The following MYO1D variants were observed in gnomAD, a reference collection of about 807,000 sequenced individuals.
MYO1D encodes the protein myosin ID, also known as unconventional myosin-Id.
A neutral mutation model predicts 122.0 loss-of-function variants in MYO1D; 83 were observed. The ratio of observed to expected loss-of-function variants is 0.68; its 90% confidence interval spans 0.57 to 0.82. The LOEUF is 0.82. MYO1D is among the 40% of genes least tolerant of loss of function. MYO1D has a pLI of 0.00. For synonymous variants in MYO1D, 464 were observed against 446.9 expected (o/e 1.04, Z -0.48); for missense variants, 1,157 against 1,269.5 (o/e 0.91, Z 1.35).
At position 32,654,375 on chromosome 17, in the gene MYO1D, C is replaced by T. The variant is rs955513848; in HGVS notation, c.2490+102G>A. ...GTATCTCATAGAAATTATTTAGTTT[C>T]TAAAAGTGTTTTATCCTTTCTGCAA... is the stretch of plus-strand genomic sequence containing the variant. On this transcript the variant is annotated intron_variant, in intron 18 of 21. Transcript: ENST00000318217. 1.6e-5 allele frequency: 21 copies of T among 1,283,304 alleles called. No individual in the cohort carries two copies. The Admixed American group carries it at 2.1e-4, about 13-fold the overall frequency. The allele number at this position is 1,283,304 out of a possible 1,614,324, so 79.5% of individuals were successfully genotyped here.
chr17:32,723,826 G>C (rs1398317378), intron 14 of MYO1D, among the ~76,000 whole-genome samples: 2 of 152,128 alleles, frequency 1.3e-5, no homozygotes, highest in African/African-American at 4.8e-5. Flanking sequence ...TCATGACAAA[G>C]AACCATTATT....
At chr17:32,567,541 T>C (rs1487596813) in intron 21 of MYO1D, among the ~76,000 whole-genome samples, 1 of 152,202 alleles carries the variant, frequency 6.6e-6, no homozygotes, top group Admixed American at 6.5e-5. Context: ...GTCTAGTAAG[T>C]AGCAGGGATG....
At chr17:32,784,804 C>T (rs2090276280) in intron 1 of MYO1D, among the ~76,000 whole-genome samples, 1 of 151,962 alleles carries the variant, frequency 6.6e-6, no homozygotes, top group African/African-American at 2.4e-5. Flanking sequence ...TGCACAACCC[C>T]ACAGAAAAGG....
intron 1 of MYO1D, among the ~76,000 whole-genome samples, chr17:32,847,056 T>C (rs1013021970): frequency 1.8e-4 from 28 of 152,322 alleles, no homozygotes; most frequent in East Asian, 3.9e-4. Context: ...CTCCTCTTTA[T>C]AGAATTTACA....
Position 32,877,082 on chromosome 17 carries a change from C to A in MYO1D, c.-210G>T, listed in dbSNP as rs1244586981. The A allele has an allele frequency of 9.3e-6, 2 of 215,524 alleles. No individual in the cohort carries two copies. Among genetic ancestry groups the A allele is most frequent in the African/African-American group, 2.3e-5 (1 of 42,996 alleles). 13.4% of individuals were successfully genotyped at this position (215,524 alleles called of 1,614,324 possible). A position where few individuals can be genotyped will look rare whatever the true frequency, so the allele number is the denominator to read the frequency against. On this transcript the variant is annotated 5_prime_UTR_variant, in exon 1 of 22. Transcript: ENST00000318217. ...CCGGCGCGGCTCCGAACGGGACGCA[C>A]CCGACAGTTTCCGCTCCTCCCGCCG...
At chr17:32,519,545 G>C (rs1180772660) in intron 21 of MYO1D, among the ~76,000 whole-genome samples, 1 of 151,846 alleles carries the variant, frequency 6.6e-6, no homozygotes, top group Non-Finnish European at 1.5e-5. Context: ...CCCAGCGCCC[G>C]CGGCTGAAAC....
chr17:32,598,647 C>G (rs2087526274), intron 21 of MYO1D, among the ~76,000 whole-genome samples: 1 of 152,274 alleles, frequency 6.6e-6, no homozygotes, highest in South Asian at 2.1e-4. Context: ...AAGTGAATAT[C>G]ACAATAAAGC....
chr17:32,508,530 C>T (rs1046196105), intron 21 of MYO1D, among the ~76,000 whole-genome samples: 6 of 152,172 alleles, frequency 3.9e-5, no homozygotes, highest in Admixed American at 3.3e-4. Flanking sequence ...CCTGCCTTGG[C>T]CTCCCAAAGT....
intron 16 of MYO1D, chr17:32,659,570 G>GC: frequency 1.8e-6 from 1 of 555,656 alleles, no homozygotes; most frequent in Non-Finnish European, 3.2e-6. Flanking sequence ...CTACACTGAA[G>GC]TGTGTGCTGA....
chr17:32,587,577 C>T (rs2087400914), intron 21 of MYO1D, among the ~76,000 whole-genome samples: 1 of 151,258 alleles, frequency 6.6e-6, no homozygotes, highest in Non-Finnish European at 1.5e-5. Context: ...TGCTGAATGA[C>T]TAGTTTGCCA....
intron 21 of MYO1D, among the ~76,000 whole-genome samples, chr17:32,558,326 G>A (rs921926587): frequency 6.6e-6 from 1 of 152,200 alleles, no homozygotes; most frequent in Non-Finnish European, 1.5e-5. Context: ...GGAGCAGCAA[G>A]GAAACAAGGC....
intron 13 of MYO1D, among the ~76,000 whole-genome samples, chr17:32,742,158 GT>G (rs1331610634): frequency 6.6e-6 from 1 of 152,026 alleles, no homozygotes; most frequent in Non-Finnish European, 1.5e-5. Context: ...ATTTCATTAG[GT>G]TTTGTAAGTA....
chr17:32,857,604 A>T (rs890380199), intron 1 of MYO1D, among the ~76,000 whole-genome samples: 4 of 146,610 alleles, frequency 2.7e-5, no homozygotes, highest in Non-Finnish European at 6.0e-5. Context: ...AAAAAAAAAT[A>T]GACTCCTTTA....
intron 1 of MYO1D, among the ~76,000 whole-genome samples, chr17:32,844,300 TATA>T (rs1264715779): frequency 6.8e-6 from 1 of 146,032 alleles, no homozygotes; most frequent in African/African-American, 2.5e-5. Flanking sequence ...ATGTATATAT[TATA>T]ATATGCATAT....
At chr17:32,569,584 G>A (rs538224097) in intron 21 of MYO1D, among the ~76,000 whole-genome samples, 1 of 152,202 alleles carries the variant, frequency 6.6e-6, no homozygotes, top group East Asian at 1.9e-4. Context: ...CCCACTGGAT[G>A]AGCAATGGGA....
chr17:32,821,891 T>C (rs527713523), intron 1 of MYO1D, among the ~76,000 whole-genome samples: 31 of 152,246 alleles, frequency 2.0e-4, no homozygotes, highest in Admixed American at 1.9e-3. Context: ...CTGGAGAGGA[T>C]GTGGAGAAAT....
At chr17:32,659,937 C>T (rs529831440) in intron 16 of MYO1D, among the ~76,000 whole-genome samples, 5 of 152,196 alleles carry the variant, frequency 3.3e-5, no homozygotes, top group African/African-American at 9.6e-5. Flanking sequence ...ATCAATGACA[C>T]TATATAAACG....
At chr17:32,508,333 G>C (rs1909571063) in intron 21 of MYO1D, among the ~76,000 whole-genome samples, 1 of 151,884 alleles carries the variant, frequency 6.6e-6, no homozygotes, top group South Asian at 2.1e-4. Context: ...GGAGTACAGT[G>C]GTGCCATCTC....
intron 15 of MYO1D, among the ~76,000 whole-genome samples, chr17:32,714,965 G>GA (rs551752626): frequency 0.026 from 3,849 of 147,348 alleles, 87 homozygotes; most frequent in African/African-American, 0.064. Context: ...AAATGTACAA[G>GA]AAAAAAAAAA....
Sources: gnomAD v4.1 joint callset for allele counts (sites outside exome capture counted in the v4.1 genomes callset) on GRCh38, gnomAD v4.1.1 for gene constraint, MANE v1.5 for transcripts, NCBI Gene and HGNC (gene_info 2026-07-23, HGNC 2026-07-21) for gene names.